Variants in MAP2K3 observed in about 807,000 individuals in gnomAD.
The protein encoded by MAP2K3 is mitogen-activated protein kinase kinase 3, also known as dual specificity mitogen-activated protein kinase kinase 3.
Under a neutral mutation model 46.4 loss-of-function variants are expected in MAP2K3, and 30 were observed. The observed-to-expected ratio is 0.65, with a 90% CI of 0.48 to 0.88. The LOEUF is 0.88. Among genes scored for constraint, MAP2K3 ranks in the 40% least tolerant of loss-of-function variants. MAP2K3 has a pLI of 0.00. For synonymous variants in MAP2K3, 189 were observed against 176.3 expected (o/e 1.07, Z -0.57); for missense variants, 380 against 464.5 (o/e 0.82, Z 1.67).
At chr17:21,298,213 C>T (rs926209608) in intron 1 of MAP2K3, 200 bp from the exon 2 acceptor site, 8 of 802,064 alleles carry the variant, frequency 1.0e-5, no homozygotes, top group Middle Eastern at 2.9e-4. Flanking sequence ...TGGGTCTGTC[C>T]TGCTCTGCTC....
At chr17:21,290,732 T>C (rs1447337797) in intron 1 of MAP2K3, among the ~76,000 whole-genome samples, 4 of 152,300 alleles carry the variant, frequency 2.6e-5, no homozygotes, top group Non-Finnish European at 5.9e-5. Flanking sequence ...GGAGGATCAT[T>C]TGAGGGCAGG....
intron 1 of MAP2K3, chr17:21,295,751 G>A (rs1031387415): frequency 3.1e-6 from 4 of 1,288,992 alleles, no homozygotes; most frequent in South Asian, 1.2e-5. Flanking sequence ...CAGCCCATAT[G>A]TGCAAGTGCC....
intron 1 of MAP2K3, among the ~76,000 whole-genome samples, chr17:21,293,974 C>T (rs1378161216): frequency 5.9e-5 from 9 of 152,416 alleles, no homozygotes; most frequent in East Asian, 1.9e-4. Context: ...TTGGCAGTGG[C>T]GTCTGCAGTA....
At chr17:21,303,285 C>T (rs1438273324) in intron 7 of MAP2K3, 51 bp downstream of exon 7, 1 of 1,612,010 alleles carries the variant, frequency 6.2e-7, no homozygotes, top group South Asian at 1.1e-5. Flanking sequence ...GGAGGGATCC[C>T]AGGCCAAGGC....
intron 9 of MAP2K3, among the ~76,000 whole-genome samples, chr17:21,308,069 T>A (rs1262740823): frequency 1.3e-5 from 2 of 151,126 alleles, no homozygotes; most frequent in African/African-American, 4.9e-5. Context: ...TTGGCCAGGC[T>A]GGTCTCAAAC....
At position 21,299,027 on chromosome 17, in the gene MAP2K3, C is replaced by T. The variant is rs1207000338; in HGVS notation, c.165+101C>T. On this transcript the variant is annotated intron_variant, in intron 3 of 11. Coordinates refer to ENST00000342679, the MANE Select transcript of MAP2K3 (RefSeq NM_145109.3). ...CTTTGGGGGGAGGTGACTGAGGGGT[C>T]AGAGAGGGTCAGGCTCTGGAGAAGA... 18 of 1,530,598 alleles carry T rather than the reference C, an allele frequency of 1.2e-5. No individual in the cohort carries two copies. The East Asian group carries it at 1.8e-4, about 15-fold the overall frequency. The allele number at this position is 1,530,598 out of a possible 1,614,324, so 94.8% of individuals were successfully genotyped here. A position where few individuals can be genotyped will look rare whatever the true frequency, so the allele number is the denominator to read the frequency against.
chr17:21,293,720 A>G, intron 1 of MAP2K3, among the ~76,000 whole-genome samples: 1 of 152,296 alleles, frequency 6.6e-6, no homozygotes, highest in Non-Finnish European at 1.5e-5. Flanking sequence ...AGCCTTGGTC[A>G]CTCCTCCTCA....
chr17:21,285,056 C>A, intron 1 of MAP2K3, 87 bp downstream of exon 1: 5 of 1,507,304 alleles, frequency 3.3e-6, no homozygotes, highest in Non-Finnish European at 4.5e-6. Context: ...TGGTCCCACC[C>A]CATCCTGTTC....
intron 1 of MAP2K3, among the ~76,000 whole-genome samples, chr17:21,285,563 G>A (rs1226524918): frequency 3.9e-5 from 6 of 152,056 alleles, no homozygotes; most frequent in Admixed American, 3.9e-4. Flanking sequence ...TAGGCCCTAT[G>A]TTGCCCCTTC....
At chr17:21,295,538 C>T in intron 1 of MAP2K3, 1 of 1,217,278 alleles carries the variant, frequency 8.2e-7, no homozygotes, top group Non-Finnish European at 1.1e-6. Flanking sequence ...CATCTGGGCC[C>T]AGCTCTGACG....
chr17:21,291,545 A>G (rs1354176716), intron 1 of MAP2K3: 1 of 456,426 alleles, frequency 2.2e-6, no homozygotes, highest in African/African-American at 2.0e-5. Context: ...ATCCTGGTGC[A>G]AGGAATGTCC....
At chr17:21,307,466 A>C (rs1976947607) in intron 9 of MAP2K3, among the ~76,000 whole-genome samples, 4 of 149,506 alleles carry the variant, frequency 2.7e-5, no homozygotes, top group Non-Finnish European at 4.5e-5. Context: ...ACCTGAGGGC[A>C]GGGTAGACCA....
intron 3 of MAP2K3, among the ~76,000 whole-genome samples, chr17:21,300,179 T>C (rs898005042): frequency 3.3e-5 from 5 of 152,424 alleles, no homozygotes; most frequent in African/African-American, 9.6e-5. Flanking sequence ...CTAAAACACA[T>C]TGTGGATGCT....
rs945678405 is a variant in MAP2K3, at chr17:21,301,733, A to T, written c.400-410A>T. 1.1e-4 allele frequency among the ~76,000 whole-genome samples: 17 copies of T among 152,424 alleles called. No homozygotes were observed. The East Asian group carries it at 3.3e-3, about 29-fold the overall frequency. On this transcript the variant is annotated intron_variant, in intron 5 of 11. Coordinates refer to ENST00000342679, the MANE Select transcript of MAP2K3 (RefSeq NM_145109.3). ...GGTCCTCAGGAGTTCACTGGGGAAG[A>T]GGGAGCAGGTCCTTGCAGGCAGGGA...
At chr17:21,296,649 C>T (rs1168412019) in intron 1 of MAP2K3, among the ~76,000 whole-genome samples, 1 of 152,302 alleles carries the variant, frequency 6.6e-6, no homozygotes, top group Non-Finnish European at 1.5e-5. Context: ...GCCTGTTCCC[C>T]AAGTAAAGTG....
rs529787027 is a variant in MAP2K3 at position 21,295,661 on chromosome 17, G to A, written c.50-2752G>A. 9.6e-4 allele frequency: 1,243 copies of A among 1,288,090 alleles called. No homozygotes were observed. The African/African-American group carries it at 0.016, about 17-fold the overall frequency. 79.8% of individuals were successfully genotyped at this position (1,288,090 alleles called of 1,614,324 possible). A position where few individuals can be genotyped will look rare whatever the true frequency, so the allele number is the denominator to read the frequency against. On this transcript the variant is annotated intron_variant, in intron 1 of 11. Coordinates refer to ENST00000342679, the MANE Select transcript of MAP2K3 (RefSeq NM_145109.3). ...CCTGTGGCCCTCCTGATGCAGGCTT[G>A]GTGTCCCCAACAGGCCGGTGGATGC... is the stretch of plus-strand genomic sequence containing the variant.
intron 6 of MAP2K3, 41 bp downstream of exon 6, chr17:21,302,300 T>C (rs768226294): frequency 1.9e-5 from 29 of 1,524,882 alleles, no homozygotes; most frequent in Non-Finnish European, 2.5e-5. Flanking sequence ...CCTAGGTGCA[T>C]AGGCAGAGGC....
rs373416844 is a variant in MAP2K3 at position 21,298,939 on chromosome 17, C to T, written c.165+13C>T. 442 of 1,613,026 alleles carry T rather than the reference C, an allele frequency of 2.7e-4. No homozygotes were observed. The highest frequency in any genetic ancestry group is 3.1e-4 in the Non-Finnish European group (367 of 1,179,036). The stretch of plus-strand genomic sequence containing the variant: ...CATTGGAGACAGAGTAGGTGCCAGC[C>T]GCCACCCCTGCAGGGCCTCTCACTT... On this transcript the variant is annotated intron_variant, in intron 3 of 11. Coordinates refer to ENST00000342679, the MANE Select transcript of MAP2K3 (RefSeq NM_145109.3).
chr17:21,295,291 C>G (rs1256365677), intron 1 of MAP2K3, among the ~76,000 whole-genome samples: 1 of 152,312 alleles, frequency 6.6e-6, no homozygotes, highest in Non-Finnish European at 1.5e-5. Context: ...GGGTGCCTCT[C>G]TTTACCTGTG....
Sources: allele counts gnomAD v4.1 joint callset (sites outside exome capture counted in the v4.1 genomes callset), GRCh38; gene constraint gnomAD v4.1.1; transcripts MANE v1.5; gene names NCBI Gene and HGNC (gene_info 2026-07-23, HGNC 2026-07-21).